The following NTMT1 variants were observed in gnomAD, a reference collection of about 807,000 sequenced individuals.
NTMT1 encodes N-terminal Xaa-Pro-Lys N-methyltransferase 1.
NTMT1 carries 8 observed loss-of-function variants against 17.5 expected under a neutral mutation model. The observed-to-expected ratio is 0.46, with a 90% CI of 0.27 to 0.82. NTMT1 has a LOEUF of 0.82. Among genes scored for constraint, NTMT1 ranks in the 40% least tolerant of loss-of-function variants. The probability of loss-of-function intolerance (pLI) is 0.15; values close to 1 mark genes in which losing one functional copy is unlikely to be tolerated. For synonymous variants in NTMT1, 128 were observed against 126.8 expected, an observed-to-expected ratio of 1.01 and a Z score of -0.06; for missense variants, 221 against 303.5, an observed-to-expected ratio of 0.73 and a Z score of 2.02.
chr9:129,627,603 T>C (rs2118925802), intron 1 of NTMT1, among the ~76,000 whole-genome samples: 1 of 152,370 alleles, frequency 6.6e-6, no homozygotes, highest in South Asian at 2.1e-4. Context: ...TTGTCTGTGC[T>C]TACACAGCAG....
At chr9:129,631,721 C>T (rs1461249595) in intron 1 of NTMT1, among the ~76,000 whole-genome samples, 1 of 152,212 alleles carries the variant, frequency 6.6e-6, no homozygotes, top group Non-Finnish European at 1.5e-5. Flanking sequence ...AGGAGCAGTG[C>T]CGTCGCCCTC....
intron 1 of NTMT1, chr9:129,612,517 CA>C: frequency 7.6e-7 from 1 of 1,311,520 alleles, no homozygotes; most frequent in Non-Finnish European, 1.1e-6. Context: ...ACTGGGCTCC[CA>C]GTGGGATTCT....
In NTMT1 at chr9:129,620,372, T is replaced by C; in HGVS notation, c.-55+11194T>C. The stretch of plus-strand genomic sequence containing the variant: ...GAGGCGTCCGACGCCCACCCCGGGC[T>C]TGGCGTCCCCTTCCGGCCACCACGC... On this transcript the variant is annotated intron_variant, in intron 1 of 3. Transcript: ENST00000372486. This position sits in a 1 kb window ranked among gnomAD's most constrained non-coding sequence, Gnocchi z 5.8. 8.1e-7 allele frequency: 1 copy of C among 1,227,870 alleles called. No homozygotes were observed. The highest frequency in any genetic ancestry group is 1.0e-6 in the Non-Finnish European group (1 of 986,114). 76.1% of individuals were successfully genotyped at this position (1,227,870 alleles called of 1,614,324 possible).
In NTMT1 at chr9:129,634,106, T is replaced by C. The variant is rs751665078; in HGVS notation, c.215T>C (p.Ile72Thr). 6.2e-7 allele frequency: 1 copy of C among 1,614,046 alleles called. No homozygotes were observed. Among genetic ancestry groups the C allele is most frequent in the Non-Finnish European group, 8.5e-7 (1 of 1,179,970 alleles). ...TSCALDCGAG[I>T]GRITKRLLLP... ...TGTGCCCTGGACTGTGGAGCTGGCA[T>C]TGGGAGGATCACCAAGCGGCTGCTC... The change falls in exon 3 of 4, where the codon ATT becomes ACT. Residue 72 changes from isoleucine to threonine, a missense_variant. Coordinates refer to ENST00000372483, the MANE Select transcript of NTMT1 (RefSeq NM_014064.4).
chr9:129,614,765 G>A lies in NTMT1; in HGVS notation c.-55+5587G>A, dbSNP rs141603875. 3.7e-3 allele frequency among the ~76,000 whole-genome samples: 567 copies of A among 152,256 alleles called. 15 individuals are homozygous for A. In the East Asian group the frequency reaches 0.064, roughly 17 times the overall value. The stretch of plus-strand genomic sequence containing the variant: ...TAAAAATACAAAATTAGCCAGGGGC[G>A]GTGGCGCATGCCTGTAATCCCAGGT... On this transcript the variant is annotated intron_variant, in intron 1 of 3. Coordinates refer to the NTMT1 transcript ENST00000372486. The surrounding 1 kb of genome is among the most constrained non-coding windows in gnomAD (Gnocchi z 4.4).
intron 1 of NTMT1, among the ~76,000 whole-genome samples, chr9:129,627,743 C>G (rs1830966644): frequency 6.6e-6 from 1 of 152,212 alleles, no homozygotes; most frequent in South Asian, 2.1e-4. Flanking sequence ...GAGCACTCTG[C>G]CGTTTGCATG....
At chr9:129,619,547 T>A in intron 1 of NTMT1, 9 of 1,614,002 alleles carry the variant, frequency 5.6e-6, no homozygotes, top group Non-Finnish European at 7.6e-6. Context: ...AGTGGTGAAT[T>A]GTGAGTGATC....
chr9:129,625,702 AT>A (rs1008896003), upstream of NTMT1, among the ~76,000 whole-genome samples: 280 of 147,828 alleles, frequency 1.9e-3, 4 homozygotes, highest in African/African-American at 5.8e-3. Context: ...CCCGTCTCTA[AT>A]TTTTTTTTTT....
intron 1 of NTMT1, among the ~76,000 whole-genome samples, chr9:129,609,353 C>T (rs1403016885): frequency 6.6e-6 from 1 of 152,162 alleles, no homozygotes; most frequent in African/African-American, 2.4e-5. Flanking sequence ...CTCCCCCTCC[C>T]CCCAACTAGA....
rs181132472 is a variant in NTMT1, at chr9:129,615,713, C to T, written c.-55+6535C>T. ...CGTACCCCAGCACACACGCACCAGC[C>T]CCAGACTCGCTGTGAGATCCTGGAC... On this transcript the variant is annotated intron_variant, in intron 1 of 3. Transcript: ENST00000372486. The T allele has an allele frequency of 1.3e-4, 191 of 1,449,870 alleles. No homozygotes were observed. The African/African-American group carries it at 2.5e-3, about 19-fold the overall frequency. 89.8% of individuals were successfully genotyped at this position (1,449,870 alleles called of 1,614,324 possible). A position where few individuals can be genotyped will look rare whatever the true frequency, so the allele number is the denominator to read the frequency against.
chr9:129,612,442 G>T, intron 1 of NTMT1: 2 of 1,613,314 alleles, frequency 1.2e-6, no homozygotes, highest in South Asian at 1.1e-5. Flanking sequence ...ACCCGGTTGG[G>T]CAGGAGGGAC....
In NTMT1 at chr9:129,635,189, T is replaced by G. The variant is rs1831463487; in HGVS notation, c.416-19T>G. On this transcript the variant is annotated intron_variant, in intron 3 of 3. Transcript: ENST00000372483. Reference sequence around the variant, plus strand: ...CCGCTTGCATGGTGCCCTGGTAACCTTGCCTCTGCCCTCCCCAGGCCACCT... The same window carrying G: ...CCGCTTGCATGGTGCCCTGGTAACCGTGCCTCTGCCCTCCCCAGGCCACCT... 6 of 1,598,136 alleles carry G rather than the reference T, an allele frequency of 3.8e-6. No homozygotes were observed. The highest frequency in any genetic ancestry group is 3.3e-5 in the Admixed American group (2 of 59,784).
In NTMT1 at chr9:129,635,201, TC is replaced by T; in HGVS notation, c.416-3del. 1.2e-6 allele frequency: 2 copies of T among 1,603,488 alleles called. No homozygotes were observed. The highest frequency in any genetic ancestry group is 2.2e-5 in the East Asian group (1 of 44,726). ...TGCCCTGGTAACCTTGCCTCTGCCC[TC>T]CCCAGGCCACCTCACCGATCAGCAC... On this transcript the variant is annotated splice_region_variant and splice_polypyrimidine_tract_variant and intron_variant, in intron 3 of 3. Transcript: ENST00000372483.
chr9:129,612,139 C>T, intron 1 of NTMT1: 2 of 552,278 alleles, frequency 3.6e-6, no homozygotes, highest in Non-Finnish European at 6.6e-6. Flanking sequence ...TGCCCTGTCC[C>T]CACCCCTCAG....
At chr9:129,610,405 T>C (rs953279145) in intron 1 of NTMT1, among the ~76,000 whole-genome samples, 1 of 151,318 alleles carries the variant, frequency 6.6e-6, no homozygotes, top group African/African-American at 2.4e-5. Context: ...GACTCCGGCT[T>C]CAGTGCTCGG....
intron 1 of NTMT1, among the ~76,000 whole-genome samples, chr9:129,631,408 C>T (rs766785443): frequency 2.6e-5 from 4 of 152,206 alleles, no homozygotes; most frequent in Admixed American, 2.0e-4. Flanking sequence ...AATGGCCACC[C>T]GTGGAGCACG....
chr9:129,609,103 G>C (rs547234790), exon 1 of NTMT1: 2 of 152,442 alleles, frequency 1.3e-5, no homozygotes, highest in South Asian at 4.1e-4. Flanking sequence ...TCCTGTGTGC[G>C]CCGCCGAGGG....
In NTMT1 at chr9:129,615,664, G is replaced by A. The variant is rs765852587; in HGVS notation, c.-55+6486G>A. 3 of 1,519,084 alleles carry A rather than the reference G, an allele frequency of 2.0e-6. No homozygotes were observed. The South Asian group carries it at 3.8e-5, about 19-fold the overall frequency. 94.1% of individuals were successfully genotyped at this position (1,519,084 alleles called of 1,614,324 possible). Reference sequence around the variant, plus strand: ...TGGGGCCTGCTGAGAGAGGGGAGAGGGGCCTGTGCTCGAAGCCCCCCACCG... The same window carrying A: ...TGGGGCCTGCTGAGAGAGGGGAGAGAGGCCTGTGCTCGAAGCCCCCCACCG... On this transcript the variant is annotated intron_variant, in intron 1 of 3. Transcript: ENST00000372486.
chr9:129,614,234 C>T lies in NTMT1; in HGVS notation c.-55+5056C>T, dbSNP rs1220483265. Among the ~76,000 whole-genome samples the T allele has an allele frequency of 4.6e-5, 7 of 152,298 alleles. No individual in the cohort carries two copies. In the South Asian group the frequency reaches 6.2e-4, roughly 14 times the overall value. On this transcript the variant is annotated intron_variant, in intron 1 of 3. Coordinates refer to the NTMT1 transcript ENST00000372486. This position sits in a 1 kb window ranked among gnomAD's most constrained non-coding sequence, Gnocchi z 4.4. The stretch of plus-strand genomic sequence containing the variant: ...ACTCTGGCTTCTATATGTGGCTCTG[C>T]GTCACCCACACAAGCCCATCCTGCT...
Sources: gnomAD v4.1 joint callset for allele counts (sites outside exome capture counted in the v4.1 genomes callset) on GRCh38, gnomAD v4.1.1 for gene constraint, Gnocchi (gnomAD v3.1) non-coding constraint, MANE v1.5 for transcripts, NCBI Gene and HGNC (gene_info 2026-07-23, HGNC 2026-07-21) for gene names.